The following AGBL4 variants were observed in gnomAD, a reference collection of about 807,000 sequenced individuals.
AGBL4 encodes the protein cytosolic carboxypeptidase 6.
Under a neutral mutation model 66.4 loss-of-function variants are expected in AGBL4, and 58 were observed. The ratio of observed to expected loss-of-function variants is 0.87; its 90% confidence interval spans 0.71 to 1.09. AGBL4 has a LOEUF of 1.09. AGBL4 is among the 50% of genes least tolerant of loss of function. AGBL4 has a pLI of 0.00. For synonymous variants in AGBL4, 234 were observed against 222.9 expected (o/e 1.05, Z -0.44); for missense variants, 579 against 631.0 (o/e 0.92, Z 0.88).
chr1:48,951,726 T>G (rs1656994421), intron 5 of AGBL4, among the ~76,000 whole-genome samples: 1 of 152,180 alleles, frequency 6.6e-6, no homozygotes. Context: ...GAGAAATAAA[T>G]TTATGTTATT....
intron 6 of AGBL4, among the ~76,000 whole-genome samples, chr1:48,725,310 C>A (rs11205530): frequency 6.6e-6 from 1 of 151,988 alleles, no homozygotes; most frequent in Non-Finnish European, 1.5e-5. Context: ...CCAGACCTAC[C>A]GAATCAGGCT....
chr1:49,948,414 GATAAATATAGATAAATAT>G (rs1655687565), intron 1 of AGBL4, among the ~76,000 whole-genome samples: 4 of 83,884 alleles, frequency 4.8e-5, no homozygotes, highest in Admixed American at 4.7e-4. Flanking sequence ...TATAAATATA[GATAAATATAGATAAATAT>G]ATAAATATAT....
At chr1:49,493,254 C>A (rs917037307) in intron 3 of AGBL4, among the ~76,000 whole-genome samples, 1 of 152,088 alleles carries the variant, frequency 6.6e-6, no homozygotes, top group East Asian at 1.9e-4. Context: ...ATGCTTACTA[C>A]AATTCCTTGA....
chr1:48,690,642 TC>T (rs2148491993), intron 6 of AGBL4, among the ~76,000 whole-genome samples: 1 of 152,090 alleles, frequency 6.6e-6, no homozygotes, highest in African/African-American at 2.4e-5. Context: ...TCTACTTACG[TC>T]CTATTTTTCC....
intron 1 of AGBL4, among the ~76,000 whole-genome samples, chr1:49,872,394 A>G (rs1398409522): frequency 6.6e-6 from 1 of 152,114 alleles, no homozygotes; most frequent in African/African-American, 2.4e-5. Context: ...CTGGAATGAC[A>G]TATTTTCAAA....
chr1:49,332,431 A>G (rs929889616), intron 3 of AGBL4, among the ~76,000 whole-genome samples: 1 of 152,212 alleles, frequency 6.6e-6, no homozygotes, highest in African/African-American at 2.4e-5. Context: ...AGAAACCCAC[A>G]AAGAATGGAA....
chr1:49,450,146 T>A (rs1374334739), intron 3 of AGBL4, among the ~76,000 whole-genome samples: 1 of 152,076 alleles, frequency 6.6e-6, no homozygotes, highest in Non-Finnish European at 1.5e-5. Context: ...AAACCCCTTC[T>A]CAATTTAGGA....
At chr1:49,946,561 T>G (rs1655226083) in intron 1 of AGBL4, among the ~76,000 whole-genome samples, 1 of 151,920 alleles carries the variant, frequency 6.6e-6, no homozygotes, top group Non-Finnish European at 1.5e-5. Context: ...GCAAAGGCAG[T>G]GCTAATAGGA....
chr1:48,906,158 AT>A (rs1052838294), intron 5 of AGBL4, among the ~76,000 whole-genome samples: 2 of 152,238 alleles, frequency 1.3e-5, no homozygotes, highest in African/African-American at 4.8e-5. Flanking sequence ...AGAATGTGAC[AT>A]GAAAAACCAA....
intron 4 of AGBL4, among the ~76,000 whole-genome samples, chr1:49,211,908 C>T (rs574269858): frequency 6.6e-6 from 1 of 152,154 alleles, no homozygotes; most frequent in East Asian, 1.9e-4. Context: ...TGGCAGCTAC[C>T]ATTTGCTACA....
chr1:49,550,614 G>A (rs1304378042), intron 3 of AGBL4, among the ~76,000 whole-genome samples: 1 of 152,118 alleles, frequency 6.6e-6, no homozygotes, highest in Non-Finnish European at 1.5e-5. Context: ...TATTTGAGGA[G>A]GCTGAAGATA....
At chr1:48,581,727 T>C (rs1644743362) in intron 11 of AGBL4, among the ~76,000 whole-genome samples, 1 of 152,244 alleles carries the variant, frequency 6.6e-6, no homozygotes, top group South Asian at 2.1e-4. Context: ...ACAGACTATA[T>C]GCCCGGTGAT....
intron 3 of AGBL4, among the ~76,000 whole-genome samples, chr1:49,304,974 T>C (rs966271333): frequency 7.9e-5 from 12 of 152,198 alleles, no homozygotes; most frequent in Non-Finnish European, 5.9e-5. Flanking sequence ...GTGCCAAAAC[T>C]GTTCTACGTA....
chr1:48,856,770 A>AT (rs1463006054), intron 6 of AGBL4, among the ~76,000 whole-genome samples: 1 of 152,096 alleles, frequency 6.6e-6, no homozygotes, highest in Non-Finnish European at 1.5e-5. Flanking sequence ...CCTAGCTGTG[A>AT]TTTTTTTCTG....
chr1:48,606,771 C>T (rs1645159893), intron 9 of AGBL4, among the ~76,000 whole-genome samples: 1 of 152,138 alleles, frequency 6.6e-6, no homozygotes, highest in South Asian at 2.1e-4. Context: ...AAAATACCTC[C>T]TTCCTTTCCC....
chr1:49,152,194 T>C (rs1557683147), intron 4 of AGBL4, among the ~76,000 whole-genome samples: 1 of 152,168 alleles, frequency 6.6e-6, no homozygotes, highest in Non-Finnish European at 1.5e-5. Flanking sequence ...TCTGGGTTAC[T>C]TCACACACTT....
chr1:49,128,072 G>C (rs1239419644), intron 4 of AGBL4, among the ~76,000 whole-genome samples: 1 of 151,998 alleles, frequency 6.6e-6, no homozygotes. Flanking sequence ...TTATAATTAT[G>C]TCAGGTATTT....
At chr1:49,934,314 C>T (rs889737398) in intron 1 of AGBL4, among the ~76,000 whole-genome samples, 4 of 152,012 alleles carry the variant, frequency 2.6e-5, no homozygotes, top group African/African-American at 9.7e-5. Flanking sequence ...CATATTCAAA[C>T]ATTTTACCCA....
chr1:48,818,354 A>G (rs1646235179), intron 6 of AGBL4: 6 of 693,098 alleles, frequency 8.7e-6, no homozygotes, highest in Non-Finnish European at 1.3e-5. Context: ...GGAGCCATAC[A>G]TGAAACATTG....
Sources: allele counts gnomAD v4.1 joint callset (sites outside exome capture counted in the v4.1 genomes callset), GRCh38; gene constraint gnomAD v4.1.1; transcripts MANE v1.5; gene names NCBI Gene and HGNC (gene_info 2026-07-23, HGNC 2026-07-21).